TSPEAR: variants seen among roughly 807,000 people sequenced by gnomAD.
TSPEAR encodes the protein thrombospondin type laminin G domain and EAR repeats.
A neutral mutation model predicts 71.6 loss-of-function variants in TSPEAR; 69 were observed. The ratio of observed to expected loss-of-function variants is 0.96; its 90% confidence interval spans 0.79 to 1.18. TSPEAR has a LOEUF of 1.18. Among genes scored for constraint, TSPEAR ranks in the 50% most tolerant of loss-of-function variants. The pLI is 0.00. For synonymous variants in TSPEAR, 402 were observed against 387.2 expected, an observed-to-expected ratio of 1.04 and a Z score of -0.45; for missense variants, 971 against 894.9, an observed-to-expected ratio of 1.09 and a Z score of -1.09.
chr21:44,628,278 TC>T lies in TSPEAR; in HGVS notation c.83-60274del, dbSNP rs1298677666. ...GCTTCCTGGCTGCAGACCACAACCC[TC>T]CGCTGGTCGCTGGTTGGGGACGGGC... On this transcript the variant is annotated intron_variant, in intron 1 of 11. Transcript: ENST00000323084. 8.3e-6 allele frequency: 3 copies of T among 360,648 alleles called. 1 individual carries two copies. In the African/African-American group the frequency reaches 1.0e-4, roughly 12 times the overall value. The allele number at this position is 360,648 out of a possible 1,614,324, so 22.3% of individuals were successfully genotyped here.
chr21:44,531,827 C>G (rs782808778), intron 3 of TSPEAR, among the ~76,000 whole-genome samples: 9 of 152,206 alleles, frequency 5.9e-5, no homozygotes, highest in Non-Finnish European at 1.0e-4. Flanking sequence ...TTGACGAGTG[C>G]GTGGAGGCTG....
chr21:44,702,366 C>A, intron 1 of TSPEAR: 1 of 1,609,362 alleles, frequency 6.2e-7, no homozygotes, highest in Non-Finnish European at 8.5e-7. Flanking sequence ...CCAGCCCCTG[C>A]TGCCAGGCAG....
chr21:44,657,524 T>C (rs1484867306), intron 1 of TSPEAR, among the ~76,000 whole-genome samples: 3 of 152,220 alleles, frequency 2.0e-5, no homozygotes, highest in African/African-American at 4.8e-5. Context: ...GTGGGCCAAA[T>C]GTGGCTCACA....
intron 1 of TSPEAR, chr21:44,580,695 C>A: frequency 9.2e-7 from 1 of 1,091,942 alleles, no homozygotes; most frequent in South Asian, 1.5e-5. Context: ...GCTTTTAAAT[C>A]CCTCCCTGGC....
intron 1 of TSPEAR, among the ~76,000 whole-genome samples, chr21:44,643,506 G>A (rs782410254): frequency 5.3e-5 from 8 of 152,258 alleles, no homozygotes; most frequent in Admixed American, 1.3e-4. Context: ...GTATCAAGAC[G>A]TCATGTTGTA....
chr21:44,646,248 CAAAG>C (rs1555939642), intron 1 of TSPEAR, among the ~76,000 whole-genome samples: 1 of 141,112 alleles, frequency 7.1e-6, no homozygotes, highest in Non-Finnish European at 1.5e-5. Flanking sequence ...AAGGGAAAAA[CAAAG>C]AGATAAACCA....
chr21:44,657,821 A>G (rs1985242011), intron 1 of TSPEAR: 1 of 697,378 alleles, frequency 1.4e-6, no homozygotes, highest in Non-Finnish European at 2.4e-6. Context: ...ACGCGGGAAA[A>G]TAAGATGTTG....
chr21:44,528,716 C>T, intron 5 of TSPEAR, 133 bp from the exon 6 acceptor site: 2 of 1,180,796 alleles, frequency 1.7e-6, no homozygotes, highest in South Asian at 3.2e-5. Context: ...CCCCTGCAGG[C>T]ACCTTGGCAC....
Position 44,533,886 on chromosome 21 carries a change from C to T in TSPEAR, c.341G>A (p.Ser114Asn), listed in dbSNP as rs782247852. Residue 114 changes from serine (S) to asparagine (N), a missense_variant, in exon 3 of 12, where the codon AGC (serine) becomes AAC (asparagine). Physicochemically the swap from Ser to Asn is conservative, Grantham distance 46. Transcript: ENST00000323084. ...CCGCAGGCCGAGCAGCAGCAGGTCG[C>T]TCTCCTCTGCCACCACCGTCAGCAG... ...EYLLTVVAEE[S>N]DLLLLGLRLS... 1.7e-5 allele frequency: 28 copies of T among 1,611,950 alleles called. No individual in the cohort carries two copies. Among genetic ancestry groups the T allele is most frequent in the Non-Finnish European group, 2.3e-5 (27 of 1,179,758 alleles).
chr21:44,666,295 TTC>T (rs1207654273), intron 1 of TSPEAR: 1 of 998,236 alleles, frequency 1.0e-6, no homozygotes, highest in Non-Finnish European at 1.5e-6. Context: ...CTCCAGATCA[TTC>T]TGTCACATTC....
At chr21:44,554,299 G>A (rs587725550) in intron 2 of TSPEAR, among the ~76,000 whole-genome samples, 3 of 152,298 alleles carry the variant, frequency 2.0e-5, no homozygotes, top group East Asian at 1.9e-4. Flanking sequence ...CCACCATGTG[G>A]CACCCTGACT....
intron 1 of TSPEAR, among the ~76,000 whole-genome samples, chr21:44,578,688 T>C (rs1269122960): frequency 6.6e-6 from 1 of 152,002 alleles, no homozygotes; most frequent in Non-Finnish European, 1.5e-5. Context: ...GGAGGGTAAC[T>C]GAAAATTTAC....
intron 1 of TSPEAR, chr21:44,601,498 T>C (rs782068754): frequency 7.0e-5 from 113 of 1,612,720 alleles, no homozygotes; most frequent in Non-Finnish European, 7.0e-5. Context: ...GCAGTCTAGC[T>C]GCCAGCCGGC....
intron 1 of TSPEAR, among the ~76,000 whole-genome samples, chr21:44,678,795 A>G (rs1986443602): frequency 2.0e-5 from 3 of 152,248 alleles, no homozygotes; most frequent in Admixed American, 2.0e-4. Flanking sequence ...ATACAAAATC[A>G]ACATATAAAA....
chr21:44,508,898 C>T lies in TSPEAR; in HGVS notation c.1754+301G>A, dbSNP rs187334349. ...CCCTCCGCACGACGGGCATGAAGCC[C>T]CCTCCTGCCTCCACTGCTCGGATGA... On this transcript the variant is annotated intron_variant, in intron 10 of 11. Transcript: ENST00000323084. 19 of 1,478,116 alleles carry T rather than the reference C, an allele frequency of 1.3e-5. No individual in the cohort carries two copies. The Admixed American group carries it at 2.9e-4, about 23-fold the overall frequency. The allele number at this position is 1,478,116 out of a possible 1,614,324, so 91.6% of individuals were successfully genotyped here.
At chr21:44,512,921 G>T (rs115248945) in intron 9 of TSPEAR, among the ~76,000 whole-genome samples, 1 of 152,134 alleles carries the variant, frequency 6.6e-6, no homozygotes, top group African/African-American at 2.4e-5. Flanking sequence ...GGCCGGGGGC[G>T]GCTCAGAGGC....
At chr21:44,582,851 T>TC (rs1979085197) in intron 1 of TSPEAR, among the ~76,000 whole-genome samples, 2 of 151,826 alleles carry the variant, frequency 1.3e-5, no homozygotes, top group Non-Finnish European at 2.9e-5. Context: ...TCTTTTCTTT[T>TC]TTGACACACA....
chr21:44,521,275 C>T (rs1200177367), intron 9 of TSPEAR, among the ~76,000 whole-genome samples: 1 of 152,206 alleles, frequency 6.6e-6, no homozygotes, highest in East Asian at 1.9e-4. Flanking sequence ...CACCTCTGCT[C>T]CGGTCACAGT....
At chr21:44,706,437 G>T (rs1388093198) in intron 1 of TSPEAR, among the ~76,000 whole-genome samples, 2 of 151,016 alleles carry the variant, frequency 1.3e-5, no homozygotes, top group Admixed American at 6.6e-5. Flanking sequence ...ACACACCCAC[G>T]TGCGCACCCA....
Sources: gnomAD v4.1 joint callset for allele counts (sites outside exome capture counted in the v4.1 genomes callset) on GRCh38, gnomAD v4.1.1 for gene constraint, MANE v1.5 for transcripts, NCBI Gene and HGNC (gene_info 2026-07-23, HGNC 2026-07-21) for gene names.